Variants in TMEFF2 observed in about 807,000 individuals in gnomAD.
TMEFF2 encodes the protein tomoregulin-2.
TMEFF2 carries 28 observed loss-of-function variants against 53.8 expected under a neutral mutation model. The observed-to-expected ratio is 0.52, with a 90% CI of 0.39 to 0.71. TMEFF2 has a LOEUF of 0.71. Ranked by LOEUF, TMEFF2 falls within the 30% of genes least tolerant of loss-of-function variation. The pLI is 0.00. For synonymous variants in TMEFF2, 162 were observed against 166.3 expected (o/e 0.97, Z 0.20); for missense variants, 353 against 455.2 (o/e 0.78, Z 2.04).
chr2:191,950,498 A>G (rs1321866492), intron 9 of TMEFF2, 91 bp from the exon 10 acceptor site: 1 of 1,492,090 alleles, frequency 6.7e-7, no homozygotes, highest in African/African-American at 1.4e-5. Context: ...GGATTAAGCA[A>G]ATTATTAAAA....
intron 4 of TMEFF2, among the ~76,000 whole-genome samples, chr2:192,163,654 C>T (rs1236569940): frequency 2.0e-5 from 3 of 152,194 alleles, no homozygotes; most frequent in African/African-American, 7.2e-5. Context: ...ATCTGTTTCT[C>T]TCTTGAAAGT....
intron 4 of TMEFF2, among the ~76,000 whole-genome samples, chr2:192,093,578 A>G (rs893891056): frequency 6.6e-6 from 1 of 152,178 alleles, no homozygotes; most frequent in Non-Finnish European, 1.5e-5. Flanking sequence ...CAAGACTTCA[A>G]CAGCGTAAGA....
intron 4 of TMEFF2, among the ~76,000 whole-genome samples, chr2:192,165,298 C>G (rs1324049416): frequency 6.6e-6 from 1 of 152,158 alleles, no homozygotes; most frequent in Non-Finnish European, 1.5e-5. Context: ...GCCACTAACA[C>G]TACCTGATGT....
At chr2:192,118,901 T>C (rs952891520) in intron 4 of TMEFF2, among the ~76,000 whole-genome samples, 1 of 152,184 alleles carries the variant, frequency 6.6e-6, no homozygotes, top group Non-Finnish European at 1.5e-5. Context: ...TATTGTTATA[T>C]ATTTTACCAA....
chr2:192,034,036 G>A (rs562866202), intron 5 of TMEFF2, among the ~76,000 whole-genome samples: 84 of 152,130 alleles, frequency 5.5e-4, no homozygotes, highest in Middle Eastern at 3.4e-3. Flanking sequence ...TTAGCCGGGC[G>A]TGGTGGCAAG....
At chr2:192,019,561 T>C (rs1032498676) in intron 5 of TMEFF2, among the ~76,000 whole-genome samples, 2 of 152,032 alleles carry the variant, frequency 1.3e-5, no homozygotes, top group African/African-American at 4.8e-5. Context: ...CTTTGAAAAT[T>C]TGTTTTTAGA....
Position 192,019,409 on chromosome 2 carries a change from T to C in TMEFF2, c.537-20201A>G, listed in dbSNP as rs554713201. 5.3e-4 allele frequency among the ~76,000 whole-genome samples: 80 copies of C among 152,150 alleles called. 1 individual carries two copies. Among genetic ancestry groups the C allele is most frequent in the African/African-American group, 1.7e-3 (72 of 41,562 alleles). On this transcript the variant is annotated intron_variant, in intron 5 of 9. Transcript: ENST00000272771. ...AAATAAGTAGTTGCTGATCTCACTT[T>C]GGCTAAACAATTTAAATAACAAAAA...
chr2:192,128,040 C>A (rs1689720475), intron 4 of TMEFF2, among the ~76,000 whole-genome samples: 1 of 152,152 alleles, frequency 6.6e-6, no homozygotes, highest in Non-Finnish European at 1.5e-5. Context: ...TATTTCCAAT[C>A]TTGATTTGCC....
At chr2:191,989,049 T>TA (rs1290782276) in intron 7 of TMEFF2, among the ~76,000 whole-genome samples, 1 of 152,174 alleles carries the variant, frequency 6.6e-6, no homozygotes, top group East Asian at 1.9e-4. Flanking sequence ...AACTATATGT[T>TA]AAAAAATGCC....
chr2:192,101,720 C>T (rs1011433344), intron 4 of TMEFF2, among the ~76,000 whole-genome samples: 3 of 152,148 alleles, frequency 2.0e-5, no homozygotes, highest in Non-Finnish European at 4.4e-5. Context: ...TCCCAGGCAG[C>T]ATCTCATGCT....
intron 7 of TMEFF2, among the ~76,000 whole-genome samples, chr2:191,961,656 G>T (rs1692277629): frequency 2.0e-5 from 3 of 152,132 alleles, no homozygotes; most frequent in African/African-American, 7.2e-5. Flanking sequence ...AGTCATGATT[G>T]TTCCCATTGT....
intron 9 of TMEFF2, among the ~76,000 whole-genome samples, 185 bp downstream of exon 9, chr2:191,953,494 C>G (rs573013042): frequency 6.6e-5 from 10 of 152,228 alleles, no homozygotes; most frequent in Admixed American, 2.6e-4. Context: ...ATAATTTGTA[C>G]CACCCCAATA....
At chr2:192,105,989 G>A (rs1689136240) in intron 4 of TMEFF2, among the ~76,000 whole-genome samples, 1 of 151,732 alleles carries the variant, frequency 6.6e-6, no homozygotes, top group Non-Finnish European at 1.5e-5. Flanking sequence ...AATATCAATA[G>A]CTTTAACAAT....
intron 4 of TMEFF2, among the ~76,000 whole-genome samples, chr2:192,077,430 C>T (rs190300992): frequency 3.7e-4 from 56 of 152,138 alleles, no homozygotes; most frequent in African/African-American, 1.3e-3. Context: ...GGTGATCATC[C>T]GTAAAATCTA....
At chr2:192,182,251 A>G (rs1209386609) in intron 3 of TMEFF2, among the ~76,000 whole-genome samples, 1 of 151,934 alleles carries the variant, frequency 6.6e-6, no homozygotes, top group Non-Finnish European at 1.5e-5. Flanking sequence ...TAAATGGGAA[A>G]TATACAAAGA....
chr2:192,032,333 A>C (rs1013553564), intron 5 of TMEFF2: 1 of 152,178 alleles, frequency 6.6e-6, no homozygotes, highest in Non-Finnish European at 1.5e-5. Flanking sequence ...CTATTCATGA[A>C]GATAAGGACC....
chr2:192,135,520 A>C (rs1046624853), intron 4 of TMEFF2, among the ~76,000 whole-genome samples: 2 of 152,124 alleles, frequency 1.3e-5, no homozygotes, highest in Non-Finnish European at 2.9e-5. Context: ...CTTCAGCTTA[A>C]TGTCTCCCAG....
At chr2:192,096,822 A>G (rs903191189) in intron 4 of TMEFF2, among the ~76,000 whole-genome samples, 7 of 151,514 alleles carry the variant, frequency 4.6e-5, no homozygotes, top group African/African-American at 1.7e-4. Flanking sequence ...GATTACAGGC[A>G]TCCACCACCA....
At chr2:192,053,603 G>C (rs1687825843) in intron 5 of TMEFF2, among the ~76,000 whole-genome samples, 1 of 152,162 alleles carries the variant, frequency 6.6e-6, no homozygotes, top group Admixed American at 6.6e-5. Flanking sequence ...AGTTTAGTTA[G>C]TGTTAAAGGC....
Sources: gnomAD v4.1 joint callset for allele counts (sites outside exome capture counted in the v4.1 genomes callset) on GRCh38, gnomAD v4.1.1 for gene constraint, MANE v1.5 for transcripts, NCBI Gene and HGNC (gene_info 2026-07-23, HGNC 2026-07-21) for gene names.